CPXM2: variants seen among roughly 807,000 people sequenced by gnomAD.
CPXM2 encodes the protein inactive carboxypeptidase-like protein X2.
CPXM2 carries 66 observed loss-of-function variants against 86.1 expected under a neutral mutation model. The observed-to-expected ratio is 0.77, with a 90% CI of 0.63 to 0.94. The LOEUF (loss-of-function observed/expected upper bound fraction) is 0.94, where lower values mean the gene tolerates loss of function less well. Ranked by LOEUF, CPXM2 falls within the 40% of genes least tolerant of loss-of-function variation. CPXM2 has a pLI of 0.00. For synonymous variants in CPXM2, 388 were observed against 400.2 expected, an observed-to-expected ratio of 0.97 and a Z score of 0.36; for missense variants, 948 against 1,026.3, an observed-to-expected ratio of 0.92 and a Z score of 1.04.
At chr10:123,835,473 C>T (rs7071898) in intron 4 of CPXM2, among the ~76,000 whole-genome samples, 6,180 of 152,242 alleles carry the variant, frequency 0.041, 212 homozygotes, top group African/African-American at 0.095. Flanking sequence ...GCAGAAATGA[C>T]TGCATGCCTG....
At chr10:123,809,158 A>G (rs1234423407) in intron 4 of CPXM2, among the ~76,000 whole-genome samples, 2 of 152,180 alleles carry the variant, frequency 1.3e-5, no homozygotes, top group Non-Finnish European at 2.9e-5. Context: ...ATCGACTGAC[A>G]TGATATGGCA....
At chr10:123,893,215 C>T (rs955816759), upstream of CPXM2, among the ~76,000 whole-genome samples, 13 of 152,294 alleles carry the variant, frequency 8.5e-5, no homozygotes, top group South Asian at 2.1e-4. Flanking sequence ...ACCCTCAAGC[C>T]TGCATTGGCC....
intron 13 of CPXM2, among the ~76,000 whole-genome samples, chr10:123,752,875 C>T (rs1044786854): frequency 6.6e-6 from 1 of 152,100 alleles, no homozygotes; most frequent in Non-Finnish European, 1.5e-5. Context: ...AGGAACAAAC[C>T]AACAAAACAG....
intron 4 of CPXM2, among the ~76,000 whole-genome samples, chr10:123,818,456 G>C (rs1453690375): frequency 6.6e-6 from 1 of 152,114 alleles, no homozygotes; most frequent in Non-Finnish European, 1.5e-5. Context: ...GATTATATTG[G>C]ACCTCTTTCA....
intron 2 of CPXM2, among the ~76,000 whole-genome samples, chr10:123,920,398 T>C (rs973677792): frequency 3.3e-5 from 5 of 152,132 alleles, no homozygotes; most frequent in African/African-American, 7.2e-5. Context: ...ATAAGAACAA[T>C]GCAAAATTAT....
At chr10:123,793,982 C>G (rs1847267050) in intron 6 of CPXM2, among the ~76,000 whole-genome samples, 1 of 152,168 alleles carries the variant, frequency 6.6e-6, no homozygotes, top group African/African-American at 2.4e-5. Context: ...TTTAGCAAGA[C>G]AGGCGGTGGC....
chr10:123,890,934 G>A (rs752467782), intron 1 of CPXM2, among the ~76,000 whole-genome samples: 35 of 152,234 alleles, frequency 2.3e-4, no homozygotes, highest in Non-Finnish European at 4.8e-4. Flanking sequence ...TTCCCTAGAA[G>A]GCCATCTGCC....
At chr10:123,893,759 G>A (rs980703006), upstream of CPXM2, among the ~76,000 whole-genome samples, 1 of 152,004 alleles carries the variant, frequency 6.6e-6, no homozygotes, top group African/African-American at 2.4e-5. Context: ...ACAGTCTTTA[G>A]TGGTGAAACA....
chr10:123,786,141 T>C (rs2134039891), intron 6 of CPXM2, among the ~76,000 whole-genome samples: 1 of 152,294 alleles, frequency 6.6e-6, no homozygotes, highest in African/African-American at 2.4e-5. Context: ...AGATGTAGCT[T>C]TAATCTTGAA....
At chr10:123,845,323 GA>G (rs369921032) in intron 3 of CPXM2, among the ~76,000 whole-genome samples, 362 of 141,862 alleles carry the variant, frequency 2.6e-3, no homozygotes, top group African/African-American at 8.0e-3. Context: ...ATAACAAACA[GA>G]AAAAAAAAAT....
At chr10:123,793,237 G>A (rs1463854886) in intron 6 of CPXM2, among the ~76,000 whole-genome samples, 1 of 151,994 alleles carries the variant, frequency 6.6e-6, no homozygotes, top group African/African-American at 2.4e-5. Flanking sequence ...GGCCGAGGCG[G>A]GTGGATGACG....
intron 2 of CPXM2, among the ~76,000 whole-genome samples, chr10:123,923,259 T>G (rs571856440): frequency 6.6e-6 from 1 of 152,346 alleles, no homozygotes; most frequent in East Asian, 1.9e-4. Context: ...AACTGTAATG[T>G]GTGTGCATTG....
rs138082765 is a variant in CPXM2 at position 123,873,247 on chromosome 10, C to T, written c.403+6964G>A. 8.3e-3 allele frequency among the ~76,000 whole-genome samples: 1,214 copies of T among 146,886 alleles called. 19 individuals are homozygous for T. The highest frequency in any genetic ancestry group is 0.029 in the African/African-American group (1,163 of 39,524). On this transcript the variant is annotated intron_variant, in intron 2 of 13. Coordinates refer to ENST00000241305, the MANE Select transcript of CPXM2 (RefSeq NM_198148.3). ...AAATTAACTATACACCTGTAGTCTA[C>T]CAATAAAGAGTAGAAAATTGAAATT...
upstream of CPXM2, among the ~76,000 whole-genome samples, chr10:123,892,508 C>T (rs567817144): frequency 1.3e-5 from 2 of 152,172 alleles, no homozygotes; most frequent in African/African-American, 4.8e-5. Flanking sequence ...GTTCTTTATG[C>T]GGAGCCCAGG....
At chr10:123,862,541 G>T in intron 3 of CPXM2, 73 bp downstream of exon 3, 1 of 1,326,842 alleles carries the variant, frequency 7.5e-7, no homozygotes, top group Non-Finnish European at 1.1e-6. Context: ...CCTGCGCATT[G>T]CCTGATCCAA....
chr10:123,752,284 T>C (rs1846096186), intron 13 of CPXM2: 1 of 985,248 alleles, frequency 1.0e-6, no homozygotes, highest in Admixed American at 6.1e-5. Flanking sequence ...TATGAGGGGC[T>C]ACTACGTACA....
upstream of CPXM2, among the ~76,000 whole-genome samples, chr10:123,892,578 G>A (rs921005948): frequency 2.6e-5 from 4 of 152,170 alleles, no homozygotes; most frequent in African/African-American, 9.7e-5. Context: ...GGACTGCATC[G>A]TTTCCCTTGC....
intron 2 of CPXM2, among the ~76,000 whole-genome samples, chr10:123,911,078 T>C (rs549705443): frequency 2.6e-5 from 4 of 152,324 alleles, no homozygotes; most frequent in African/African-American, 9.6e-5. Flanking sequence ...CCTCATCTTA[T>C]CTTGATTAAA....
In CPXM2 at chr10:123,862,662, C is replaced by G. The variant is rs375053844; in HGVS notation, c.465G>C (p.Thr155=). The stretch of plus-strand genomic sequence containing the variant: ...GTGCCCCCAGGCCATAGCGCTTCAC[C>G]GTGGAGGCATGGAGCTGGAAGTCTG... ...KITDFQLHAS[T]VKRYGLGAHR... is the part of the protein sequence containing the mutation. The change falls in exon 3 of 14, where the codon ACG becomes ACC. Residue 155 remains threonine (T), a synonymous_variant. Coordinates refer to ENST00000241305, the MANE Select transcript of CPXM2 (RefSeq NM_198148.3). 2 of 1,614,190 alleles carry G rather than the reference C, an allele frequency of 1.2e-6. No individual in the cohort carries two copies. The highest frequency in any genetic ancestry group is 4.5e-5 in the East Asian group (2 of 44,876).
Sources: gnomAD v4.1 joint callset for allele counts (sites outside exome capture counted in the v4.1 genomes callset) on GRCh38, gnomAD v4.1.1 for gene constraint, MANE v1.5 for transcripts, NCBI Gene and HGNC (gene_info 2026-07-23, HGNC 2026-07-21) for gene names.